SNTG1: variants seen among roughly 807,000 people sequenced by gnomAD.
SNTG1 encodes gamma-1-syntrophin.
SNTG1 carries 39 observed loss-of-function variants against 74.7 expected under a neutral mutation model. The observed-to-expected ratio is 0.52, with a 90% CI of 0.40 to 0.68. The LOEUF (loss-of-function observed/expected upper bound fraction) is 0.68. SNTG1 is among the 30% of genes least tolerant of loss of function. The pLI is 0.00. For synonymous variants in SNTG1, 254 were observed against 217.1 expected, an observed-to-expected ratio of 1.17 and a Z score of -1.49; for missense variants, 685 against 609.5, an observed-to-expected ratio of 1.12 and a Z score of -1.30.
chr8:50,429,894 T>C (rs1196328511), intron 4 of SNTG1, among the ~76,000 whole-genome samples: 1 of 152,090 alleles, frequency 6.6e-6, no homozygotes, highest in African/African-American at 2.4e-5. Context: ...GAAATTTACA[T>C]CAAAACCATT....
chr8:50,473,003 C>A (rs2093665478), intron 8 of SNTG1, among the ~76,000 whole-genome samples: 1 of 152,010 alleles, frequency 6.6e-6, no homozygotes, highest in Admixed American at 6.6e-5. Flanking sequence ...GTTAGGAATG[C>A]CACTATTAAA....
chr8:50,316,328 C>T (rs533709959), intron 2 of SNTG1, among the ~76,000 whole-genome samples: 7 of 152,100 alleles, frequency 4.6e-5, no homozygotes, highest in Admixed American at 2.6e-4. Context: ...GATGTCATAC[C>T]GTGTGACCAC....
chr8:50,499,452 C>CATGATGGCA (rs2093932197), intron 8 of SNTG1, among the ~76,000 whole-genome samples: 1 of 149,240 alleles, frequency 6.7e-6, no homozygotes, highest in African/African-American at 2.5e-5. Context: ...TTCTAGTGCA[C>CATGATGGCA]TTTTTGTAAG....
chr8:50,419,307 A>G (rs193060190), intron 4 of SNTG1, among the ~76,000 whole-genome samples: 156 of 152,292 alleles, frequency 1.0e-3, no homozygotes, highest in East Asian at 3.5e-3. Flanking sequence ...TCTATCTCCA[A>G]TGGCAATGGC....
intron 1 of SNTG1, among the ~76,000 whole-genome samples, chr8:49,949,874 C>G (rs55780592): frequency 0.1 from 15,168 of 152,172 alleles, 1,075 homozygotes; most frequent in South Asian, 0.2. Flanking sequence ...GCGCAGTGGC[C>G]CAGGCCTACG....
At chr8:50,108,440 G>A (rs577752622) in intron 1 of SNTG1, among the ~76,000 whole-genome samples, 1 of 152,264 alleles carries the variant, frequency 6.6e-6, no homozygotes, top group South Asian at 2.1e-4. Context: ...AACTGGGATT[G>A]AATTTGATGT....
intron 1 of SNTG1, among the ~76,000 whole-genome samples, chr8:50,151,025 T>C (rs2082050434): frequency 6.6e-6 from 1 of 152,234 alleles, no homozygotes; most frequent in African/African-American, 2.4e-5. Context: ...AATTCGGCTG[T>C]GAATCTGCCT....
chr8:50,499,374 AT>A (rs2093931302), intron 8 of SNTG1, among the ~76,000 whole-genome samples: 1 of 148,578 alleles, frequency 6.7e-6, no homozygotes, highest in Admixed American at 6.7e-5. Flanking sequence ...TATTTATCTT[AT>A]TTCCTGAAAC....
rs1023653556 is a variant in SNTG1 at position 50,642,731 on chromosome 8, T to A, written c.850-14178T>A. Reference sequence around the variant, plus strand: ...CAGCTACAATTTCAGCCCTTCCCAGTATTTTCTGTCTTCTTTTCCTTGATT... The same window carrying A: ...CAGCTACAATTTCAGCCCTTCCCAGAATTTTCTGTCTTCTTTTCCTTGATT... On this transcript the variant is annotated intron_variant, in intron 13 of 18. Transcript: ENST00000642720. Among the ~76,000 whole-genome samples the A allele has an allele frequency of 3.3e-5, 5 of 152,166 alleles. No homozygotes were observed. In the East Asian group the frequency reaches 9.6e-4, roughly 29 times the overall value.
chr8:50,456,334 C>A (rs73583447), intron 8 of SNTG1, among the ~76,000 whole-genome samples: 1 of 152,050 alleles, frequency 6.6e-6, no homozygotes, highest in East Asian at 1.9e-4. Context: ...TCTAGTCCAT[C>A]CCCTCAGCTG....
intron 1 of SNTG1, among the ~76,000 whole-genome samples, chr8:50,010,602 A>G (rs1446574916): frequency 2.0e-5 from 3 of 152,084 alleles, no homozygotes; most frequent in Non-Finnish European, 4.4e-5. Flanking sequence ...CAAATTCACT[A>G]GGTGCACCTG....
chr8:50,719,437 C>T (rs1239036410), intron 17 of SNTG1, among the ~76,000 whole-genome samples: 2 of 152,140 alleles, frequency 1.3e-5, no homozygotes, highest in Non-Finnish European at 2.9e-5. Flanking sequence ...CTGCCAGCAC[C>T]TTGATCTTGG....
rs190847444 is a variant in SNTG1 at position 50,512,546 on chromosome 8, G to T, written c.466+9666G>T. On this transcript the variant is annotated intron_variant, in intron 9 of 18. Coordinates refer to ENST00000642720, the MANE Select transcript of SNTG1 (RefSeq NM_018967.5). ...GATTCCATTCTCCCCATTACTTTCA[G>T]GTATATCAATCAGACATAGATTTGG... is the stretch of plus-strand genomic sequence containing the variant. Among the ~76,000 whole-genome samples, 389 of 152,204 alleles carry T rather than the reference G, an allele frequency of 2.6e-3. 1 individual carries two copies. The highest frequency in any genetic ancestry group is 9.0e-3 in the African/African-American group (373 of 41,526).
At chr8:50,774,643 A>G (rs73677519) in intron 18 of SNTG1, among the ~76,000 whole-genome samples, 3,027 of 152,006 alleles carry the variant, frequency 0.02, 96 homozygotes, top group African/African-American at 0.065. Context: ...TAAAAACACC[A>G]TTAAAGGTAA....
chr8:50,505,376 T>C (rs1318196765), intron 9 of SNTG1, among the ~76,000 whole-genome samples: 1 of 152,122 alleles, frequency 6.6e-6, no homozygotes, highest in Non-Finnish European at 1.5e-5. Flanking sequence ...GGATCATATG[T>C]TAATTCTATT....
At chr8:50,582,264 A>T (rs1381564857) in intron 12 of SNTG1, among the ~76,000 whole-genome samples, 1 of 152,164 alleles carries the variant, frequency 6.6e-6, no homozygotes, top group Non-Finnish European at 1.5e-5. Flanking sequence ...CTCTGTCTTC[A>T]TTCATTCAAC....
intron 11 of SNTG1, among the ~76,000 whole-genome samples, chr8:50,540,565 T>C (rs2094339455): frequency 6.6e-6 from 1 of 152,200 alleles, no homozygotes; most frequent in African/African-American, 2.4e-5. Flanking sequence ...TTTCTGTTTA[T>C]TGTATTAGGT....
At chr8:50,329,515 C>A (rs2090878498) in intron 2 of SNTG1, among the ~76,000 whole-genome samples, 1 of 152,072 alleles carries the variant, frequency 6.6e-6, no homozygotes, top group Non-Finnish European at 1.5e-5. Context: ...CAAGATTTGG[C>A]CCTTGCACCC....
intron 8 of SNTG1, among the ~76,000 whole-genome samples, chr8:50,466,625 A>C (rs1226802677): frequency 6.6e-6 from 1 of 151,992 alleles, no homozygotes; most frequent in African/African-American, 2.4e-5. Context: ...TCAGTTTGAG[A>C]AAATCAGCAT....
Sources: allele counts gnomAD v4.1 joint callset (sites outside exome capture counted in the v4.1 genomes callset), GRCh38; gene constraint gnomAD v4.1.1; transcripts MANE v1.5; gene names NCBI Gene and HGNC (gene_info 2026-07-23, HGNC 2026-07-21).